Variants in ENAH observed in about 807,000 individuals in gnomAD.
ENAH encodes ENAH actin regulator, also known as protein enabled homolog.
ENAH carries 23 observed loss-of-function variants against 78.7 expected under a neutral mutation model. That is an observed-to-expected ratio of 0.29 (90% CI 0.21 to 0.41). The LOEUF (loss-of-function observed/expected upper bound fraction) is 0.41. ENAH is among the 10% of genes least tolerant of loss of function. The pLI is 1.00. For synonymous variants in ENAH, 226 were observed against 241.0 expected, an observed-to-expected ratio of 0.94 and a Z score of 0.58; for missense variants, 544 against 691.0, an observed-to-expected ratio of 0.79 and a Z score of 2.39.
At chr1:225,508,872 T>C (rs557593686) in intron 10 of ENAH, among the ~76,000 whole-genome samples, 28 of 152,362 alleles carry the variant, frequency 1.8e-4, no homozygotes, top group African/African-American at 6.5e-4. Flanking sequence ...TGAGTTCCAA[T>C]GCAGCTCCTC....
At chr1:225,500,103 C>T (rs564816270) in intron 12 of ENAH, among the ~76,000 whole-genome samples, 72 of 152,256 alleles carry the variant, frequency 4.7e-4, no homozygotes, top group Non-Finnish European at 7.4e-4. Context: ...TCAAGAAAGC[C>T]ATATTCAGTA....
intron 3 of ENAH, among the ~76,000 whole-genome samples, chr1:225,554,099 C>T (rs374578429): frequency 6.6e-6 from 1 of 152,086 alleles, no homozygotes; most frequent in African/African-American, 2.4e-5. Flanking sequence ...CAACTCTTTC[C>T]TCTTAAAATA....
chr1:225,609,751 A>G (rs1366151151), intron 1 of ENAH, among the ~76,000 whole-genome samples: 1 of 128,026 alleles, frequency 7.8e-6, no homozygotes, highest in African/African-American at 3.0e-5. Flanking sequence ...TGCAACATCC[A>G]CCTCTCAGGT....
intron 3 of ENAH, among the ~76,000 whole-genome samples, chr1:225,534,240 A>C (rs1222407118): frequency 6.6e-6 from 1 of 152,036 alleles, no homozygotes; most frequent in Non-Finnish European, 1.5e-5. Context: ...TGAGGAGAAA[A>C]AGTTACTGAT....
chr1:225,557,764 T>A (rs2096674424), intron 2 of ENAH, among the ~76,000 whole-genome samples: 1 of 152,234 alleles, frequency 6.6e-6, no homozygotes, highest in South Asian at 2.1e-4. Flanking sequence ...GAGGTTGCAG[T>A]GAGCTGAGAC....
At chr1:225,591,446 C>T (rs554404539) in intron 1 of ENAH, among the ~76,000 whole-genome samples, 11 of 147,302 alleles carry the variant, frequency 7.5e-5, no homozygotes, top group African/African-American at 2.3e-4. Flanking sequence ...CCAGCCTGGG[C>T]GACAAGAGCG....
intron 1 of ENAH, among the ~76,000 whole-genome samples, chr1:225,636,898 GA>G (rs1413556317): frequency 6.6e-6 from 1 of 152,096 alleles, no homozygotes; most frequent in Non-Finnish European, 1.5e-5. Context: ...TATGAAAAGA[GA>G]GAGACTCAGC....
intron 13 of ENAH, among the ~76,000 whole-genome samples, 175 bp from the exon 14 acceptor site, chr1:225,497,987 T>A (rs1227939581): frequency 6.6e-6 from 1 of 152,172 alleles, no homozygotes; most frequent in Non-Finnish European, 1.5e-5. Flanking sequence ...CTAATTTCTA[T>A]ATATTTATTT....
chr1:225,544,970 T>C (rs1031979156), intron 3 of ENAH, among the ~76,000 whole-genome samples: 1 of 152,200 alleles, frequency 6.6e-6, no homozygotes, highest in Admixed American at 6.5e-5. Context: ...AATTTTTATA[T>C]ATTAAGCATC....
At chr1:225,530,461 G>A in intron 4 of ENAH, 93 bp downstream of exon 4, 6 of 1,019,248 alleles carry the variant, frequency 5.9e-6, no homozygotes, top group Non-Finnish European at 9.1e-6. Flanking sequence ...CTCTTAAACA[G>A]CTGATAAGAC....
At chr1:225,628,812 C>CA (rs1658421283) in intron 1 of ENAH, among the ~76,000 whole-genome samples, 1 of 149,768 alleles carries the variant, frequency 6.7e-6, no homozygotes, top group African/African-American at 2.5e-5. Context: ...GAGGCTGAAG[C>CA]AGAGAACTGC....
intron 1 of ENAH, among the ~76,000 whole-genome samples, chr1:225,569,978 G>A (rs2096752722): frequency 6.6e-6 from 1 of 152,054 alleles, no homozygotes; most frequent in African/African-American, 2.4e-5. Flanking sequence ...GGCCAAGGCA[G>A]GTGGATCACC....
chr1:225,652,534 G>A, intron 1 of ENAH, 152 bp downstream of exon 1: 5 of 1,067,640 alleles, frequency 4.7e-6, no homozygotes, highest in Non-Finnish European at 6.0e-6. Context: ...AAGAGAAATT[G>A]GAAGGGACAA....
chr1:225,606,504 G>A (rs904619651), intron 1 of ENAH, among the ~76,000 whole-genome samples: 14 of 150,898 alleles, frequency 9.3e-5, no homozygotes, highest in African/African-American at 3.4e-4. Context: ...CATATTAGTT[G>A]ATAAGCACTC....
intron 1 of ENAH, among the ~76,000 whole-genome samples, chr1:225,607,734 C>T (rs1055299123): frequency 1.3e-5 from 2 of 152,090 alleles, no homozygotes; most frequent in Non-Finnish European, 2.9e-5. Flanking sequence ...CACCCACCAC[C>T]CTCCTTTTCC....
chr1:225,628,597 G>C (rs956284729), intron 1 of ENAH, among the ~76,000 whole-genome samples: 6 of 152,048 alleles, frequency 3.9e-5, no homozygotes, highest in Non-Finnish European at 7.4e-5. Flanking sequence ...AAAAATAAAA[G>C]AAGAACATTT....
In ENAH at chr1:225,491,640, C is replaced by A. The variant is rs1301649585; in HGVS notation, c.*6135G>T. ...GTGTATTTTAAGTGTAAGCCAAGAACCTTTTCTCTCAGTTTCTATAGACTT... is the reference window on the plus strand; with the variant it reads ...GTGTATTTTAAGTGTAAGCCAAGAAACTTTTCTCTCAGTTTCTATAGACTT... On this transcript the variant is annotated 3_prime_UTR_variant, in exon 14 of 14. Coordinates refer to ENST00000366843, the MANE Select transcript of ENAH (RefSeq NM_018212.6). The A allele has an allele frequency of 6.6e-6, 1 of 152,132 alleles. No homozygotes were observed. The highest frequency in any genetic ancestry group is 2.4e-5 in the African/African-American group (1 of 41,434). 9.4% of individuals were successfully genotyped at this position (152,132 alleles called of 1,614,324 possible).
At chr1:225,559,388 T>C (rs1301750722) in intron 2 of ENAH, among the ~76,000 whole-genome samples, 1 of 152,184 alleles carries the variant, frequency 6.6e-6, no homozygotes, top group Non-Finnish European at 1.5e-5. Context: ...AGGTATGTGG[T>C]ATATATGTCA....
chr1:225,581,672 A>G (rs1342321603), intron 1 of ENAH, among the ~76,000 whole-genome samples: 1 of 151,992 alleles, frequency 6.6e-6, no homozygotes, highest in African/African-American at 2.4e-5. Context: ...CATAGATAAA[A>G]CTATAAACTC....
Sources: gnomAD v4.1 joint callset for allele counts (sites outside exome capture counted in the v4.1 genomes callset) on GRCh38, gnomAD v4.1.1 for gene constraint, MANE v1.5 for transcripts, NCBI Gene and HGNC (gene_info 2026-07-23, HGNC 2026-07-21) for gene names.